The following OSBPL5 variants were observed in gnomAD, a reference collection of about 807,000 sequenced individuals.
OSBPL5 encodes oxysterol-binding protein-related protein 5.
OSBPL5 carries 71 observed loss-of-function variants against 111.2 expected under a neutral mutation model. That is an observed-to-expected ratio of 0.64 (90% CI 0.53 to 0.78). The LOEUF is 0.78. Among genes scored for constraint, OSBPL5 ranks in the 30% least tolerant of loss-of-function variants. The probability of loss-of-function intolerance (pLI) is 0.00; values close to 1 mark genes in which losing one functional copy is unlikely to be tolerated. For missense variants in OSBPL5, 1,210 were observed against 1,189.3 expected (o/e 1.02, Z -0.26); for synonymous variants, 549 against 513.9 (o/e 1.07, Z -0.93).
Position 3,092,831 on chromosome 11 carries a change from C to G in OSBPL5, c.2132+36G>C, listed in dbSNP as rs1261741484. 1 of 1,498,966 alleles carries G rather than the reference C, an allele frequency of 6.7e-7. No homozygotes were observed. The highest frequency in any genetic ancestry group is 2.1e-5 in the Admixed American group (1 of 48,102). 92.9% of individuals were successfully genotyped at this position (1,498,966 alleles called of 1,614,324 possible). A position where few individuals can be genotyped will look rare whatever the true frequency, so the allele number is the denominator to read the frequency against. On this transcript the variant is annotated intron_variant, in intron 18 of 21. Coordinates refer to ENST00000263650, the MANE Select transcript of OSBPL5 (RefSeq NM_020896.4). The surrounding 1 kb of genome is among the most constrained non-coding windows in gnomAD (Gnocchi z 5.4). ...CTCAGCCCGTCTGCTAGGCCCAGCC[C>G]CACCCTGTGGCCCCCAGGGCTTTGT... is the stretch of plus-strand genomic sequence containing the variant.
In OSBPL5 at chr11:3,120,682, T is replaced by C. The variant is rs1317718839; in HGVS notation, c.403-58A>G. ...CTCTGGGGCCGCCATCCCTGGGGCA[T>C]CTTGATGGCTTGGCGGGGAGCCAGG... On this transcript the variant is annotated intron_variant, in intron 5 of 21. Transcript: ENST00000263650. 6 of 1,582,410 alleles carry C rather than the reference T, an allele frequency of 3.8e-6. No homozygotes were observed. The African/African-American group carries it at 6.7e-5, about 18-fold the overall frequency.
At position 3,092,556 on chromosome 11, in the gene OSBPL5, T is replaced by G; in HGVS notation, c.2135A>C (p.His712Pro). Residue 712 changes from histidine (H) to proline (P), a missense_variant and splice_region_variant, in exon 19 of 22, where the codon CAC becomes CCC. Transcript: ENST00000263650. The surrounding 1 kb of genome is among the most constrained non-coding windows in gnomAD (Gnocchi z 5.4). The stretch of plus-strand genomic sequence containing the variant: ...GTCCTTCAGGGGGTCCCAGGGGCTG[T>G]GGCTGGAGGGTCCAGAGGGCGTTCA... ...TQEWHYRYEDHSPWDPLKDIA... is the reference protein window; with the variant it reads ...TQEWHYRYEDPSPWDPLKDIA... 2.5e-6 allele frequency: 4 copies of G among 1,589,126 alleles called. No homozygotes were observed. Among genetic ancestry groups the G allele is most frequent in the Non-Finnish European group, 3.4e-6 (4 of 1,167,744 alleles).
chr11:3,142,033 C>T lies in OSBPL5; in HGVS notation c.-21-12864G>A, dbSNP rs924970088. Among the ~76,000 whole-genome samples the T allele has an allele frequency of 6.6e-6, 1 of 152,210 alleles. No individual in the cohort carries two copies. The highest frequency in any genetic ancestry group is 2.4e-5 in the African/African-American group (1 of 41,462). Reference sequence around the variant, plus strand: ...GTTCAAGCAATTATCCTGCCTCAGCCTCCCGCGTTGCTGGGACTACAGGCA... The same window carrying T: ...GTTCAAGCAATTATCCTGCCTCAGCTTCCCGCGTTGCTGGGACTACAGGCA... On this transcript the variant is annotated intron_variant, in intron 1 of 21. Coordinates refer to ENST00000263650, the MANE Select transcript of OSBPL5 (RefSeq NM_020896.4). The surrounding 1 kb of genome is among the most constrained non-coding windows in gnomAD (Gnocchi z 7.1).
At chr11:3,137,640 C>G (rs1845986670) in intron 1 of OSBPL5, among the ~76,000 whole-genome samples, 1 of 152,176 alleles carries the variant, frequency 6.6e-6, no homozygotes, top group South Asian at 2.1e-4. Flanking sequence ...TAGCGAGACC[C>G]TGTCTCTACA....
At position 3,154,653 on chromosome 11, in the gene OSBPL5, G is replaced by C. The variant is rs1846696803; in HGVS notation, c.-22+10563C>G. On this transcript the variant is annotated intron_variant, in intron 1 of 21. Coordinates refer to ENST00000263650, the MANE Select transcript of OSBPL5 (RefSeq NM_020896.4). This position sits in a 1 kb window ranked among gnomAD's most constrained non-coding sequence, Gnocchi z 4.9. ...ACAGAACCCACTGACGAGACGCCTG[G>C]CAGTGCGGGGGCCCCAGGGTTAGTC... Among the ~76,000 whole-genome samples, 1 of 152,142 alleles carries C rather than the reference G, an allele frequency of 6.6e-6. No homozygotes were observed.
rs760948923 is a variant in OSBPL5 at position 3,092,987 on chromosome 11, A to T, written c.2012T>A (p.Phe671Tyr). The T allele has an allele frequency of 1.9e-6, 3 of 1,605,720 alleles. No individual in the cohort carries two copies. Among genetic ancestry groups the T allele is most frequent in the Non-Finnish European group, 2.5e-6 (3 of 1,177,710 alleles). The change falls in exon 18 of 22, where the codon TTT becomes TAT. Residue 671 changes from phenylalanine (F) to tyrosine (Y), a missense_variant. Transcript: ENST00000263650. This position sits in a 1 kb window ranked among gnomAD's most constrained non-coding sequence, Gnocchi z 5.4. ...GDQHRATQEKFALEEAQRQRA... is the reference protein window; with the variant it reads ...GDQHRATQEKYALEEAQRQRA... Reference sequence around the variant, plus strand: ...CTGCCGCTGTGCCTCCTCCAGTGCAAACTTCTCCTGTGTGGCCCTGTGCTG... The same window carrying T: ...CTGCCGCTGTGCCTCCTCCAGTGCATACTTCTCCTGTGTGGCCCTGTGCTG...
chr11:3,130,804 G>T lies in OSBPL5; in HGVS notation c.-21-1635C>A, dbSNP rs1230271414. Among the ~76,000 whole-genome samples, 1 of 152,212 alleles carries T rather than the reference G, an allele frequency of 6.6e-6. No individual in the cohort carries two copies. Among genetic ancestry groups the T allele is most frequent in the Non-Finnish European group, 1.5e-5 (1 of 68,026 alleles). On this transcript the variant is annotated intron_variant, in intron 1 of 21. Transcript: ENST00000263650. The surrounding 1 kb of genome is among the most constrained non-coding windows in gnomAD (Gnocchi z 4.5). ...CCAACCTGCCGCAGGGAAGCAGGCAGATGGGAAGTCCTGCCCCTACTTGTC... is the reference window on the plus strand; with the variant it reads ...CCAACCTGCCGCAGGGAAGCAGGCATATGGGAAGTCCTGCCCCTACTTGTC...
rs191719430 is a variant in OSBPL5 at position 3,109,445 on chromosome 11, T to C, written c.692-1500A>G. Among the ~76,000 whole-genome samples, 95 of 152,266 alleles carry C rather than the reference T, an allele frequency of 6.2e-4. 1 individual carries two copies. The highest frequency in any genetic ancestry group is 2.2e-3 in the African/African-American group (90 of 41,546). ...GGTGGGAGGATGGGGCTGAAGAGCA[T>C]TGAAGGCGGTTCTGTGCCTCTCTGA... On this transcript the variant is annotated intron_variant, in intron 7 of 21. Transcript: ENST00000263650. The surrounding 1 kb of genome is among the most constrained non-coding windows in gnomAD (Gnocchi z 7.4).
Position 3,129,101 on chromosome 11 carries a change from A to T in OSBPL5, c.48T>A (p.Pro16=). 6.5e-7 allele frequency: 1 copy of T among 1,542,006 alleles called. No homozygotes were observed. Among genetic ancestry groups the T allele is most frequent in the South Asian group, 1.2e-5 (1 of 82,752 alleles). The change falls in exon 2 of 22, where the codon CCT becomes CCA. Residue 16 remains proline, a synonymous_variant. Transcript: ENST00000263650. ...FLRRRFSLCP[P]SSTPQKVDPR... ...GGTCGACTTTCTGAGGGGTGGAGGA[A>T]GGTGGACACAGGGAGAAGCGGCGCC...
chr11:3,103,779 C>G (rs111992648), intron 10 of OSBPL5, among the ~76,000 whole-genome samples: 588 of 57,574 alleles, frequency 0.01, 25 homozygotes, highest in Non-Finnish European at 0.015. Context: ...CTTCCAGCCT[C>G]TGCAGTCCCT....
At position 3,107,248 on chromosome 11, in the gene OSBPL5, C is replaced by A. The variant is rs1857731640; in HGVS notation, c.1059+15G>T. ...CAGGGGAGACGCTTGGGGCTCCTGG[C>A]TGGGGGGCTCTCACCTCCCCCAGCT... On this transcript the variant is annotated intron_variant, in intron 9 of 21. Transcript: ENST00000263650. This position sits in a 1 kb window ranked among gnomAD's most constrained non-coding sequence, Gnocchi z 6.1. 1 of 1,608,462 alleles carries A rather than the reference C, an allele frequency of 6.2e-7. No homozygotes were observed. The highest frequency in any genetic ancestry group is 8.5e-7 in the Non-Finnish European group (1 of 1,178,200).
chr11:3,093,439 T>C lies in OSBPL5; in HGVS notation c.1946+88A>G, dbSNP rs767904648. Reference sequence around the variant, plus strand: ...CCCTGCCAGGGACATCCTGGGGCCATGCTCACAGCACTGTAGCCCTGCTGA... The same window carrying C: ...CCCTGCCAGGGACATCCTGGGGCCACGCTCACAGCACTGTAGCCCTGCTGA... On this transcript the variant is annotated intron_variant, in intron 17 of 21. Transcript: ENST00000263650. 6.5e-6 allele frequency: 10 copies of C among 1,542,264 alleles called. No individual in the cohort carries two copies. The South Asian group carries it at 1.1e-4, about 16-fold the overall frequency.
chr11:3,158,785 C>A (rs1479766542), intron 1 of OSBPL5, among the ~76,000 whole-genome samples: 2 of 152,180 alleles, frequency 1.3e-5, no homozygotes, highest in Non-Finnish European at 2.9e-5. Flanking sequence ...GGGGTGCATC[C>A]TCAAGATATA....
At position 3,122,141 on chromosome 11, in the gene OSBPL5, G is replaced by C. The variant is rs576001431; in HGVS notation, c.301-43C>G. ...GCGGTGGGTCATGGGAGAAGGCACC[G>C]AGCTGCCCCAGCTCCTCCCACCGTC... On this transcript the variant is annotated intron_variant, in intron 4 of 21. Coordinates refer to ENST00000263650, the MANE Select transcript of OSBPL5 (RefSeq NM_020896.4). 10 of 1,520,402 alleles carry C rather than the reference G, an allele frequency of 6.6e-6. No individual in the cohort carries two copies. In the South Asian group the frequency reaches 1.1e-4, roughly 16 times the overall value. The allele number at this position is 1,520,402 out of a possible 1,614,324, so 94.2% of individuals were successfully genotyped here.
At chr11:3,133,235 G>A (rs1372901021) in intron 1 of OSBPL5, among the ~76,000 whole-genome samples, 10 of 152,250 alleles carry the variant, frequency 6.6e-5, no homozygotes, top group Non-Finnish European at 1.5e-4. Flanking sequence ...TTCATCCACT[G>A]CAGTGAAAGC....
intron 19 of OSBPL5, 24 bp from the exon 20 acceptor site, chr11:3,090,720 A>G (rs1230267686): frequency 8.8e-6 from 14 of 1,598,850 alleles, no homozygotes; most frequent in Non-Finnish European, 1.2e-5. Context: ...GAGCTGCTGC[A>G]GCTGAAAGCC....
In OSBPL5 at chr11:3,104,112, C is replaced by A. The variant is rs995024471; in HGVS notation, c.1244+81G>T. 2 of 1,453,568 alleles carry A rather than the reference C, an allele frequency of 1.4e-6. No individual in the cohort carries two copies. Among genetic ancestry groups the A allele is most frequent in the Non-Finnish European group, 1.9e-6 (2 of 1,074,730 alleles). The allele number at this position is 1,453,568 out of a possible 1,614,324, so 90.0% of individuals were successfully genotyped here. A position where few individuals can be genotyped will look rare whatever the true frequency, so the allele number is the denominator to read the frequency against. On this transcript the variant is annotated intron_variant, in intron 10 of 21. Transcript: ENST00000263650. The surrounding 1 kb of genome is among the most constrained non-coding windows in gnomAD (Gnocchi z 5.0). The stretch of plus-strand genomic sequence containing the variant: ...GGATTCTCTGGAAGCCCCCACAGGG[C>A]AGGTAGGGGCTGGGGGTGCTGCAGG...
intron 1 of OSBPL5, among the ~76,000 whole-genome samples, chr11:3,139,774 G>C (rs989228049): frequency 6.6e-6 from 1 of 152,180 alleles, no homozygotes; most frequent in Non-Finnish European, 1.5e-5. Flanking sequence ...TGCTTCCCCC[G>C]GCCTCTCTTC....
At position 3,119,557 on chromosome 11, in the gene OSBPL5, G is replaced by A. The variant is rs755435331; in HGVS notation, c.681C>T (p.Ser227=). 52 of 1,576,330 alleles carry A rather than the reference G, an allele frequency of 3.3e-5. No individual in the cohort carries two copies. The Middle Eastern group carries it at 5.0e-4, about 15-fold the overall frequency. The change falls in exon 7 of 22, where the codon TCC becomes TCT. Residue 227 remains serine, a synonymous_variant. Coordinates refer to ENST00000263650, the MANE Select transcript of OSBPL5 (RefSeq NM_020896.4). ...CTGGCAGGGACTCACCATCTGACTC[G>A]GAGGCGGCCCTGAAGATCAGGTAGC... ...PSSYLIFRAA[S]ESDGRCWLDA...
Sources: allele counts gnomAD v4.1 joint callset (sites outside exome capture counted in the v4.1 genomes callset), GRCh38; gene constraint gnomAD v4.1.1; non-coding constraint Gnocchi (gnomAD v3.1); transcripts MANE v1.5; gene names NCBI Gene and HGNC (gene_info 2026-07-23, HGNC 2026-07-21).